Variants in CDH4 observed in about 807,000 individuals in gnomAD.
CDH4 encodes the protein cadherin-4.
A neutral mutation model predicts 86.0 loss-of-function variants in CDH4; 33 were observed. The ratio of observed to expected loss-of-function variants is 0.38; its 90% CI spans 0.29 to 0.51. The LOEUF is 0.51. Ranked by LOEUF, CDH4 falls within the 20% of genes least tolerant of loss-of-function variation. CDH4 has a pLI of 0.86. For missense variants in CDH4, 1,114 were observed against 1,307.4 expected, an observed-to-expected ratio of 0.85 and a Z score of 2.28; for synonymous variants, 555 against 549.4, an observed-to-expected ratio of 1.01 and a Z score of -0.14.
chr20:61,445,300 C>G (rs2085342902), intron 2 of CDH4, among the ~76,000 whole-genome samples: 2 of 152,194 alleles, frequency 1.3e-5, no homozygotes, highest in Admixed American at 1.3e-4. Context: ...CGGCCATCCC[C>G]AGGCAGGACA....
At chr20:61,597,174 TTAAG>T (rs1294700634) in intron 2 of CDH4, among the ~76,000 whole-genome samples, 1 of 152,140 alleles carries the variant, frequency 6.6e-6, no homozygotes, top group Non-Finnish European at 1.5e-5. Context: ...GAAGGAAACA[TTAAG>T]TAAGAGGGGA....
intron 6 of CDH4, among the ~76,000 whole-genome samples, chr20:61,860,330 C>G (rs539172739): frequency 1.1e-4 from 16 of 152,376 alleles, no homozygotes; most frequent in East Asian, 7.7e-4. Flanking sequence ...CCCTGCTGGT[C>G]TGCCTGGCAA....
intron 2 of CDH4, among the ~76,000 whole-genome samples, chr20:61,359,016 G>A (rs1451652288): frequency 6.6e-6 from 1 of 152,076 alleles, no homozygotes; most frequent in Non-Finnish European, 1.5e-5. Flanking sequence ...TTGTCAGAGG[G>A]TCAGGTTGGG....
intron 2 of CDH4, among the ~76,000 whole-genome samples, chr20:61,457,321 T>C (rs2085412669): frequency 6.6e-6 from 1 of 152,182 alleles, no homozygotes; most frequent in East Asian, 1.9e-4. Flanking sequence ...AAAGGGTGGC[T>C]TGTTGGATCC....
intron 2 of CDH4, among the ~76,000 whole-genome samples, chr20:61,658,055 C>G (rs962958488): frequency 6.6e-6 from 1 of 152,156 alleles, no homozygotes; most frequent in Non-Finnish European, 1.5e-5. Flanking sequence ...GCTAATAAGT[C>G]TCCCAGGACC....
chr20:61,547,643 G>A (rs888724540), intron 2 of CDH4, among the ~76,000 whole-genome samples: 1 of 152,104 alleles, frequency 6.6e-6, no homozygotes. Flanking sequence ...CACACTCCTT[G>A]GCCAATGATG....
At chr20:61,565,419 T>TGG (rs2086289985) in intron 2 of CDH4, among the ~76,000 whole-genome samples, 2 of 114,200 alleles carry the variant, frequency 1.8e-5, no homozygotes, top group Non-Finnish European at 3.7e-5. Context: ...GCTCTTGCTA[T>TGG]TGTTGTTGCT....
At position 61,526,584 on chromosome 20, in the gene CDH4, G is replaced by C. The variant is rs138067932; in HGVS notation, c.170-216979G>C. On this transcript the variant is annotated intron_variant, in intron 2 of 15. Transcript: ENST00000614565. ...ACATATGTATACATGTGCCATGCTG[G>C]TGTGCTGCACCCACTAACTCGTCAT... Among the ~76,000 whole-genome samples, 1,422 of 151,066 alleles carry C rather than the reference G, an allele frequency of 9.4e-3. 6 individuals are homozygous for C. Among genetic ancestry groups the C allele is most frequent in the African/African-American group, 0.019 (780 of 41,100 alleles).
At position 61,269,269 on chromosome 20, in the gene CDH4, T is replaced by G. The variant is rs1361255792; in HGVS notation, c.169+14332T>G. Reference sequence around the variant, plus strand: ...GGCACTGCCACTACCTTAGTGGCCCTGGAGGAGCCAGGATTGATGGGGGGC... The same window carrying G: ...GGCACTGCCACTACCTTAGTGGCCCGGGAGGAGCCAGGATTGATGGGGGGC... On this transcript the variant is annotated intron_variant, in intron 2 of 15. Coordinates refer to ENST00000614565, the MANE Select transcript of CDH4 (RefSeq NM_001794.5). The surrounding 1 kb of genome is among the most constrained non-coding windows in gnomAD (Gnocchi z 5.3). Among the ~76,000 whole-genome samples, 1 of 152,286 alleles carries G rather than the reference T, an allele frequency of 6.6e-6. No individual in the cohort carries two copies. Among genetic ancestry groups the G allele is most frequent in the East Asian group, 1.9e-4 (1 of 5,170 alleles).
chr20:61,481,040 C>G (rs73915067), intron 2 of CDH4, among the ~76,000 whole-genome samples: 1,542 of 152,220 alleles, frequency 0.01, 31 homozygotes, highest in African/African-American at 0.036. Context: ...CTGAAGTGTA[C>G]CCGGTTAAGA....
intron 9 of CDH4, among the ~76,000 whole-genome samples, chr20:61,915,277 G>A (rs1054394472): frequency 1.3e-5 from 2 of 152,224 alleles, no homozygotes; most frequent in African/African-American, 4.8e-5. Flanking sequence ...TCAGGACAAC[G>A]TTCCACAGGT....
rs561609553 is a variant in CDH4 at position 61,534,564 on chromosome 20, C to T, written c.170-208999C>T. On this transcript the variant is annotated intron_variant, in intron 2 of 15. Coordinates refer to ENST00000614565, the MANE Select transcript of CDH4 (RefSeq NM_001794.5). ...GATGTGGGAGGGCACGGGACCGGGC[C>T]GGAGGCTGAGGCCTTGCGGTGTTGC... is the stretch of plus-strand genomic sequence containing the variant. Among the ~76,000 whole-genome samples the T allele has an allele frequency of 1.7e-3, 263 of 152,142 alleles. 1 individual carries two copies. The highest frequency in any genetic ancestry group is 5.9e-3 in the African/African-American group (244 of 41,492).
At chr20:61,572,522 C>A (rs2086349276) in intron 2 of CDH4, among the ~76,000 whole-genome samples, 1 of 152,190 alleles carries the variant, frequency 6.6e-6, no homozygotes, top group Non-Finnish European at 1.5e-5. Context: ...GGAGGGGGAA[C>A]TGCAGGTCCT....
intron 6 of CDH4, among the ~76,000 whole-genome samples, chr20:61,863,854 C>T (rs1983432334): frequency 6.6e-6 from 1 of 152,122 alleles, no homozygotes; most frequent in Non-Finnish European, 1.5e-5. Flanking sequence ...GCCACAGAGG[C>T]TCCTGCGGAT....
chr20:61,427,806 T>C (rs2085223048), intron 2 of CDH4, among the ~76,000 whole-genome samples: 1 of 151,782 alleles, frequency 6.6e-6, no homozygotes, highest in Non-Finnish European at 1.5e-5. Context: ...CATACCTAGC[T>C]CCAAGGACCT....
intron 2 of CDH4, among the ~76,000 whole-genome samples, chr20:61,692,847 T>TG (rs1341998343): frequency 1.3e-5 from 2 of 152,050 alleles, no homozygotes; most frequent in South Asian, 2.1e-4. Context: ...TTTTGTTTTT[T>TG]TTTTTGCAAA....
At position 61,910,498 on chromosome 20, in the gene CDH4, A is replaced by G. The variant is rs755256769; in HGVS notation, c.1265A>G (p.His422Arg). 3 of 1,613,692 alleles carry G rather than the reference A, an allele frequency of 1.9e-6. No individual in the cohort carries two copies. The highest frequency in any genetic ancestry group is 1.7e-6 in the Non-Finnish European group (2 of 1,179,998). ...ACGGTGATGGACCGAGATCAGCCCC[A>G]CTCTCCAAACTGGAATGCCGTTTAC... Reference protein sequence around the residue: ...NLTVMDRDQPHSPNWNAVYRI... With the variant: ...NLTVMDRDQPRSPNWNAVYRI... Residue 422 changes from histidine (H) to arginine (R), a missense_variant, in exon 9 of 16, where the codon CAC becomes CGC. By Grantham distance (29) the His-to-Arg change is conservative. Around this residue, in one of 3 missense-constraint regions of CDH4, gnomAD observed 705 missense variants for 914.1 expected, o/e 0.77. Coordinates refer to ENST00000614565, the MANE Select transcript of CDH4 (RefSeq NM_001794.5).
intron 2 of CDH4, 119 bp from the exon 3 acceptor site, chr20:61,743,444 C>G: frequency 1.4e-6 from 1 of 737,328 alleles, no homozygotes; most frequent in Non-Finnish European, 2.4e-6. Context: ...GAAATCAGTG[C>G]AAACCTCATG....
At chr20:61,691,067 C>G (rs1182411561) in intron 2 of CDH4, among the ~76,000 whole-genome samples, 2 of 152,140 alleles carry the variant, frequency 1.3e-5, no homozygotes, top group Non-Finnish European at 2.9e-5. Context: ...AGAGTGATGC[C>G]ACCTCTCACA....
Sources: gnomAD v4.1 joint callset for allele counts (sites outside exome capture counted in the v4.1 genomes callset) on GRCh38, gnomAD v4.1.1 for gene constraint, gnomAD v4.1.1 regional missense constraint, Gnocchi (gnomAD v3.1) non-coding constraint, MANE v1.5 for transcripts, NCBI Gene and HGNC (gene_info 2026-07-23, HGNC 2026-07-21) for gene names.